Variants in NEO1 observed in about 807,000 individuals in gnomAD.
The protein encoded by NEO1 is neogenin.
A neutral mutation model predicts 159.7 loss-of-function variants in NEO1; 63 were observed. The ratio of observed to expected loss-of-function variants is 0.39; its 90% CI spans 0.32 to 0.49. NEO1 has a LOEUF of 0.49. Ranked by LOEUF, NEO1 falls within the 20% of genes least tolerant of loss-of-function variation. The pLI is 0.85. For synonymous variants in NEO1, 633 were observed against 662.0 expected (o/e 0.96, Z 0.67); for missense variants, 1,615 against 1,831.0 (o/e 0.88, Z 2.15).
rs769469320 is a variant in NEO1 at position 73,178,383 on chromosome 15, T to C, written c.1247T>C (p.Val416Ala). 19 of 1,613,848 alleles carry C rather than the reference T, an allele frequency of 1.2e-5. No individual in the cohort carries two copies. Among genetic ancestry groups the C allele is most frequent in the Non-Finnish European group, 1.4e-5 (16 of 1,179,874 alleles). ...GFYQCIAENDVGNAQAGAQLI... is the reference protein window; with the variant it reads ...GFYQCIAENDAGNAQAGAQLI... Reference sequence around the variant, plus strand: ...TATCAGTGCATTGCTGAAAATGATGTTGGAAATGCACAAGCTGGAGCCCAA... The same window carrying C: ...TATCAGTGCATTGCTGAAAATGATGCTGGAAATGCACAAGCTGGAGCCCAA... The change falls in exon 7 of 29, where the codon GTT becomes GCT. Residue 416 changes from valine (V) to alanine (A), a missense_variant. Around this residue, in one of 3 missense-constraint regions of NEO1, gnomAD observed 1,018 missense variants for 1,115.4 expected, o/e 0.91. Coordinates refer to ENST00000261908, the MANE Select transcript of NEO1 (RefSeq NM_002499.4).
At chr15:73,127,920 T>C (rs1044767129) in intron 4 of NEO1, among the ~76,000 whole-genome samples, 2 of 152,200 alleles carry the variant, frequency 1.3e-5, no homozygotes, top group Non-Finnish European at 2.9e-5. Context: ...ACAGGGCAGA[T>C]CTAGAGTTTC....
At chr15:73,117,870 T>G (rs1395383022) in intron 2 of NEO1, among the ~76,000 whole-genome samples, 2 of 151,924 alleles carry the variant, frequency 1.3e-5, no homozygotes, top group African/African-American at 4.8e-5. Context: ...CTTCCTTCTC[T>G]CCCTCCTTCC....
intron 5 of NEO1, among the ~76,000 whole-genome samples, chr15:73,140,939 C>T (rs899967887): frequency 6.6e-6 from 1 of 152,128 alleles, no homozygotes; most frequent in African/African-American, 2.4e-5. Context: ...AGTCAGAATA[C>T]TGATTACTTT....
chr15:73,063,025 G>A (rs929495289), intron 1 of NEO1, among the ~76,000 whole-genome samples: 2 of 152,176 alleles, frequency 1.3e-5, no homozygotes, highest in African/African-American at 4.8e-5. Context: ...AAGGGAGGAA[G>A]CGTTCCTCTG....
chr15:73,113,883 TGTTTG>T (rs78998004), intron 1 of NEO1, among the ~76,000 whole-genome samples: 2,413 of 152,328 alleles, frequency 0.016, 38 homozygotes, highest in Non-Finnish European at 0.024. Flanking sequence ...ATACTCATTT[TGTTTG>T]AACCTAACTG....
At chr15:73,205,735 G>A (rs1200336195) in intron 7 of NEO1, among the ~76,000 whole-genome samples, 1 of 152,136 alleles carries the variant, frequency 6.6e-6, no homozygotes, top group Non-Finnish European at 1.5e-5. Flanking sequence ...AGTTTGGGGT[G>A]GGGATTTGCC....
At chr15:73,210,899 T>C (rs568886289) in intron 7 of NEO1, among the ~76,000 whole-genome samples, 1 of 152,342 alleles carries the variant, frequency 6.6e-6, no homozygotes, top group Non-Finnish European at 1.5e-5. Context: ...AAAATTAACA[T>C]TTTTGTTTGT....
chr15:73,100,445 C>T (rs2070339811), intron 1 of NEO1, among the ~76,000 whole-genome samples: 1 of 152,018 alleles, frequency 6.6e-6, no homozygotes, highest in Non-Finnish European at 1.5e-5. Flanking sequence ...AGCGATTCTC[C>T]TGCCTCAGCC....
intron 7 of NEO1, among the ~76,000 whole-genome samples, chr15:73,231,907 C>T (rs1195440257): frequency 6.6e-6 from 1 of 152,164 alleles, no homozygotes; most frequent in African/African-American, 2.4e-5. Context: ...AACTTGTTAG[C>T]TTATCAATAA....
intron 7 of NEO1, among the ~76,000 whole-genome samples, chr15:73,220,718 T>A (rs1358076696): frequency 6.6e-6 from 1 of 152,250 alleles, no homozygotes; most frequent in East Asian, 1.9e-4. Flanking sequence ...GTTGATTGCA[T>A]CAGCTCCTGA....
At chr15:73,095,207 TAA>T (rs58483911) in intron 1 of NEO1, among the ~76,000 whole-genome samples, 17 of 140,792 alleles carry the variant, frequency 1.2e-4, no homozygotes, top group Admixed American at 1.4e-4. Flanking sequence ...GACTCTGTCT[TAA>T]AAAAAAAAAA....
intron 1 of NEO1, among the ~76,000 whole-genome samples, chr15:73,073,044 A>G (rs867055098): frequency 6.6e-6 from 1 of 152,148 alleles, no homozygotes; most frequent in Admixed American, 6.5e-5. Flanking sequence ...CACCTTTGTG[A>G]TATCCAGGGG....
intron 1 of NEO1, among the ~76,000 whole-genome samples, chr15:73,063,325 A>G (rs2068061665): frequency 6.6e-6 from 1 of 152,258 alleles, no homozygotes; most frequent in Admixed American, 6.5e-5. Context: ...TGAACAAAGA[A>G]TGACTTAATA....
At chr15:73,299,511 A>T (rs1194386605) in intron 27 of NEO1, among the ~76,000 whole-genome samples, 1 of 151,816 alleles carries the variant, frequency 6.6e-6, no homozygotes, top group African/African-American at 2.4e-5. Context: ...TTAGCCTCCC[A>T]AGCAGCTGGG....
At chr15:73,159,645 A>G (rs990563224) in intron 5 of NEO1, among the ~76,000 whole-genome samples, 4 of 152,172 alleles carry the variant, frequency 2.6e-5, no homozygotes, top group African/African-American at 7.2e-5. Context: ...GGGCAAGTCA[A>G]CATGGAAGCA....
chr15:73,248,235 T>A (rs1161047900), intron 9 of NEO1, among the ~76,000 whole-genome samples: 1 of 152,210 alleles, frequency 6.6e-6, no homozygotes, highest in Non-Finnish European at 1.5e-5. Flanking sequence ...TTTTACTGTT[T>A]TTCTTCCATG....
In NEO1 at chr15:73,244,380, G is replaced by C; in HGVS notation, c.1488G>C (p.Met496Ile). 6.2e-7 allele frequency: 1 copy of C among 1,613,914 alleles called. No individual in the cohort carries two copies. The highest frequency in any genetic ancestry group is 8.5e-7 in the Non-Finnish European group (1 of 1,179,892). The change falls in exon 9 of 29, where the codon ATG (methionine) becomes ATC (isoleucine). Residue 496 changes from methionine (M) to isoleucine (I), a missense_variant. Met to Ile is a conservative substitution (Grantham distance 10). This residue lies in a region of NEO1 where 1,018 missense variants were observed against 1,115.4 expected (regional missense o/e 0.91). Coordinates refer to ENST00000261908, the MANE Select transcript of NEO1 (RefSeq NM_002499.4). ...AGAATACCAGTCACCCAGGAGAGAT[G>C]CAAGTAACCATTCAAAACCTAATGC... ...RVENTSHPGE[M>I]QVTIQNLMPA...
intron 1 of NEO1, among the ~76,000 whole-genome samples, chr15:73,058,858 A>G (rs2067844395): frequency 6.6e-6 from 1 of 152,202 alleles, no homozygotes; most frequent in Non-Finnish European, 1.5e-5. Flanking sequence ...TTTCAGCTTA[A>G]TAACTTCTAT....
chr15:73,171,197 A>T (rs749196848), intron 5 of NEO1, among the ~76,000 whole-genome samples: 2 of 152,180 alleles, frequency 1.3e-5, no homozygotes, highest in Non-Finnish European at 2.9e-5. Flanking sequence ...AGATGGAAAA[A>T]AAAACCTAAG....
Sources: allele counts gnomAD v4.1 joint callset (sites outside exome capture counted in the v4.1 genomes callset), GRCh38; gene constraint gnomAD v4.1.1; regional missense constraint gnomAD v4.1.1; transcripts MANE v1.5; gene names NCBI Gene and HGNC (gene_info 2026-07-23, HGNC 2026-07-21).